ELAVL4: variants seen among roughly 807,000 people sequenced by gnomAD.
ELAVL4 encodes the protein ELAV-like protein 4.
A neutral mutation model predicts 35.6 loss-of-function variants in ELAVL4; 1 was observed. That is an observed-to-expected ratio of 0.03 (90% CI 0.01 to 0.13). The LOEUF (loss-of-function observed/expected upper bound fraction) is 0.13. Ranked by LOEUF, ELAVL4 falls within the 10% of genes least tolerant of loss-of-function variation. The pLI, the probability that ELAVL4 is intolerant of heterozygous loss-of-function variation, is 1.00. For synonymous variants in ELAVL4, 156 were observed against 171.0 expected (o/e 0.91, Z 0.69); for missense variants, 267 against 464.9 (o/e 0.57, Z 3.91).
intron 3 of ELAVL4, among the ~76,000 whole-genome samples, chr1:50,187,333 T>C (rs1278335503): frequency 6.6e-6 from 1 of 152,210 alleles, no homozygotes; most frequent in Non-Finnish European, 1.5e-5. Context: ...TCAAAGCCAT[T>C]GTTTATTGAG....
chr1:50,197,524 ATTT>A, intron 6 of ELAVL4, 57 bp downstream of exon 6: 3 of 1,177,720 alleles, frequency 2.5e-6, no homozygotes, highest in South Asian at 3.6e-5. Flanking sequence ...TGGGGCTAGA[ATTT>A]TTTTTTTTTA....
chr1:50,130,873 T>A (rs1185521241), intron 1 of ELAVL4, among the ~76,000 whole-genome samples: 1 of 152,178 alleles, frequency 6.6e-6, no homozygotes, highest in Non-Finnish European at 1.5e-5. Flanking sequence ...ATTAACATCA[T>A]TAAATTGTGT....
At chr1:50,120,550 C>A (rs941861704) in intron 1 of ELAVL4, among the ~76,000 whole-genome samples, 4 of 151,972 alleles carry the variant, frequency 2.6e-5, no homozygotes, top group South Asian at 2.1e-4. Flanking sequence ...GAGGACTGTC[C>A]TTTCTTAATT....
chr1:50,121,080 T>C (rs914163023), intron 1 of ELAVL4, among the ~76,000 whole-genome samples: 2 of 152,086 alleles, frequency 1.3e-5, no homozygotes, highest in African/African-American at 2.4e-5. Flanking sequence ...AAATGTTTAT[T>C]GAATTAGGTT....
At chr1:50,192,515 G>GCATGCACA (rs1682805354) in intron 3 of ELAVL4, among the ~76,000 whole-genome samples, 1 of 80,246 alleles carries the variant, frequency 1.2e-5, no homozygotes, top group Non-Finnish European at 2.6e-5. Flanking sequence ...GCTTTTGTGT[G>GCATGCACA]CACGCACACA....
chr1:50,185,326 T>G (rs1291704979), intron 3 of ELAVL4, among the ~76,000 whole-genome samples: 2 of 152,266 alleles, frequency 1.3e-5, no homozygotes, highest in Non-Finnish European at 2.9e-5. Flanking sequence ...CAACTTACTT[T>G]ACTTCTTTGG....
At chr1:50,080,164 AC>A (rs1664943973) in intron 1 of ELAVL4, among the ~76,000 whole-genome samples, 1 of 152,188 alleles carries the variant, frequency 6.6e-6, no homozygotes, top group Non-Finnish European at 1.5e-5. Context: ...AACATTGCTA[AC>A]ATTAACAATT....
At position 50,203,637 on chromosome 1, in the gene ELAVL4, G is replaced by A. The variant is rs1414572014; in HGVS notation, c.*2459G>A. 6 of 152,012 alleles carry A rather than the reference G, an allele frequency of 3.9e-5. No individual in the cohort carries two copies. Among genetic ancestry groups the A allele is most frequent in the Non-Finnish European group, 5.9e-5 (4 of 67,972 alleles). 9.4% of individuals were successfully genotyped at this position (152,012 alleles called of 1,614,324 possible). A position where few individuals can be genotyped will look rare whatever the true frequency, so the allele number is the denominator to read the frequency against. The stretch of plus-strand genomic sequence containing the variant: ...TTGTATACTTTAGTTATTAATGAAT[G>A]ACTTCATGTTAATCTTGCTAGTTTA... On this transcript the variant is annotated 3_prime_UTR_variant, in exon 7 of 7. Transcript: ENST00000371824.
chr1:50,051,237 C>G (rs1247718319), intron 1 of ELAVL4, among the ~76,000 whole-genome samples: 1 of 152,090 alleles, frequency 6.6e-6, no homozygotes, highest in Admixed American at 6.5e-5. Flanking sequence ...TACTTAGAGG[C>G]AAGCTCCTCT....
chr1:50,083,684 C>T (rs1225852399), intron 1 of ELAVL4, among the ~76,000 whole-genome samples: 1 of 152,150 alleles, frequency 6.6e-6, no homozygotes, highest in African/African-American at 2.4e-5. Flanking sequence ...AAGCATTTCT[C>T]CAGGGCACAG....
chr1:50,193,899 C>A lies in ELAVL4; in HGVS notation c.489C>A (p.Ile163=). The change falls in exon 4 of 7, where the codon ATC becomes ATA. Residue 163 remains isoleucine, a synonymous_variant. Transcript: ENST00000371824. ...ACGGCCGTATCATCACCTCACGAATCCTGGTTGATCAAGTCACAGGTTAAG... is the reference window on the plus strand; with the variant it reads ...ACGGCCGTATCATCACCTCACGAATACTGGTTGATCAAGTCACAGGTTAAG... ...SQYGRIITSR[I]LVDQVTGVSR... is the part of the protein sequence containing the mutation. The A allele has an allele frequency of 1.2e-6, 2 of 1,614,046 alleles. No homozygotes were observed. Among genetic ancestry groups the A allele is most frequent in the Non-Finnish European group, 1.7e-6 (2 of 1,179,942 alleles).
At chr1:50,164,614 A>C (rs1346040785) in intron 2 of ELAVL4, among the ~76,000 whole-genome samples, 1 of 152,208 alleles carries the variant, frequency 6.6e-6, no homozygotes, top group Middle Eastern at 3.2e-3. Flanking sequence ...TGGGCAACAC[A>C]GCAATACAAT....
chr1:50,049,014 TGAG>T (rs1374578101), intron 1 of ELAVL4, among the ~76,000 whole-genome samples: 1 of 152,166 alleles, frequency 6.6e-6, no homozygotes, highest in Non-Finnish European at 1.5e-5. Flanking sequence ...TTAAGGGACT[TGAG>T]GAGACCACAG....
intron 1 of ELAVL4, among the ~76,000 whole-genome samples, chr1:50,128,445 T>G (rs967281866): frequency 1.3e-5 from 2 of 152,114 alleles, no homozygotes; most frequent in African/African-American, 4.8e-5. Flanking sequence ...AGTCATCCAT[T>G]TATTCATTTA....
In ELAVL4 at chr1:50,200,980, G is replaced by A. The variant is rs745683474; in HGVS notation, c.903G>A (p.Gln301=). The change falls in exon 7 of 7, where the codon CAG becomes CAA. Residue 301 remains glutamine (Q), a synonymous_variant. Transcript: ENST00000371824. ...ATTCCGATGAGAGTGTCCTCTGGCA[G>A]CTCTTTGGCCCCTTTGGAGCAGTGA... ...SPDSDESVLW[Q]LFGPFGAVNN... The A allele has an allele frequency of 4.3e-6, 7 of 1,613,978 alleles. No individual in the cohort carries two copies. The African/African-American group carries it at 9.3e-5, about 22-fold the overall frequency.
chr1:50,187,292 T>C (rs1681980574), intron 3 of ELAVL4, among the ~76,000 whole-genome samples: 1 of 152,222 alleles, frequency 6.6e-6, no homozygotes, highest in Admixed American at 6.5e-5. Context: ...CCTTGGTGTC[T>C]AGCATAAGGC....
chr1:50,176,701 C>G (rs1419255485), intron 2 of ELAVL4, among the ~76,000 whole-genome samples: 1 of 152,216 alleles, frequency 6.6e-6, no homozygotes, highest in South Asian at 2.1e-4. Context: ...CAAAGTCGCA[C>G]AGCTGATAGG....
At chr1:50,081,188 G>T (rs896482236) in intron 1 of ELAVL4, among the ~76,000 whole-genome samples, 1 of 152,156 alleles carries the variant, frequency 6.6e-6, no homozygotes, top group Non-Finnish European at 1.5e-5. Context: ...TGTACTGTCT[G>T]TTGTACTGGT....
At chr1:50,114,292 A>C (rs953951612) in intron 1 of ELAVL4, among the ~76,000 whole-genome samples, 5 of 152,012 alleles carry the variant, frequency 3.3e-5, no homozygotes, top group African/African-American at 1.2e-4. Flanking sequence ...CCTAGTCTTT[A>C]CCATTGGTAA....
Sources: gnomAD v4.1 joint callset for allele counts (sites outside exome capture counted in the v4.1 genomes callset) on GRCh38, gnomAD v4.1.1 for gene constraint, MANE v1.5 for transcripts, NCBI Gene and HGNC (gene_info 2026-07-23, HGNC 2026-07-21) for gene names.